Variants in ANO6 observed in about 807,000 individuals in gnomAD.
ANO6 encodes the protein anoctamin 6, also known as anoctamin-6.
In ANO6, 106 loss-of-function variants were observed where a neutral mutation model predicts 117.5. The observed-to-expected ratio is 0.90, with a 90% CI of 0.77 to 1.06. ANO6 has a LOEUF of 1.06. Ranked by LOEUF, ANO6 falls within the 50% of genes least tolerant of loss-of-function variation. The pLI is 0.00. For synonymous variants in ANO6, 367 were observed against 385.1 expected (o/e 0.95, Z 0.55); for missense variants, 955 against 1,121.1 (o/e 0.85, Z 2.12).
At chr12:45,317,513 G>A (rs1219310304) in intron 2 of ANO6, among the ~76,000 whole-genome samples, 3 of 151,704 alleles carry the variant, frequency 2.0e-5, no homozygotes, top group Admixed American at 6.6e-5. Context: ...TCTTAATCCA[G>A]TCTATCATTG....
chr12:45,284,999 C>T (rs1019538256), intron 1 of ANO6, among the ~76,000 whole-genome samples: 1 of 152,176 alleles, frequency 6.6e-6, no homozygotes, highest in African/African-American at 2.4e-5. Flanking sequence ...TTTTAAGTAG[C>T]TTGAATCTCT....
rs545467496 is a variant in ANO6, at chr12:45,364,332, C to T, written c.999-3356C>T. 4.6e-5 allele frequency among the ~76,000 whole-genome samples: 7 copies of T among 152,264 alleles called. No individual in the cohort carries two copies. In the South Asian group the frequency reaches 1.5e-3, roughly 32 times the overall value. On this transcript the variant is annotated intron_variant, in intron 8 of 19. Coordinates refer to ENST00000320560, the MANE Select transcript of ANO6 (RefSeq NM_001025356.3). The stretch of plus-strand genomic sequence containing the variant: ...GAATTTGTTGAGTTTCCTGGATATG[C>T]AAAATAGTGCTTTCATTAAATGTAG...
At chr12:45,433,657 A>G (rs1467673218), downstream of ANO6, among the ~76,000 whole-genome samples, 8 of 151,952 alleles carry the variant, frequency 5.3e-5, no homozygotes, top group Non-Finnish European at 1.2e-4. Context: ...CTTCTCTCCT[A>G]AGCTCTCTCT....
At chr12:45,302,814 A>T (rs1367755559) in intron 2 of ANO6, among the ~76,000 whole-genome samples, 1 of 152,198 alleles carries the variant, frequency 6.6e-6, no homozygotes, top group Non-Finnish European at 1.5e-5. Context: ...CATGTACCAT[A>T]TTATTGCACC....
At chr12:45,219,230 T>C (rs1314634844) in intron 1 of ANO6, among the ~76,000 whole-genome samples, 1 of 152,234 alleles carries the variant, frequency 6.6e-6, no homozygotes, top group Non-Finnish European at 1.5e-5. Flanking sequence ...GATTATATCA[T>C]AGAGATGCTT....
At chr12:45,419,099 G>T (rs902301380) in intron 17 of ANO6, among the ~76,000 whole-genome samples, 1 of 152,158 alleles carries the variant, frequency 6.6e-6, no homozygotes, top group Non-Finnish European at 1.5e-5. Flanking sequence ...AAAGCTGCTG[G>T]TTCAATAAAT....
intron 1 of ANO6, among the ~76,000 whole-genome samples, chr12:45,245,288 A>G (rs1447640981): frequency 1.3e-5 from 2 of 152,200 alleles, no homozygotes; most frequent in Non-Finnish European, 2.9e-5. Flanking sequence ...TTTTCTTCTA[A>G]AGTATTAAAT....
chr12:45,389,816 AG>A (rs1454637519), intron 11 of ANO6, among the ~76,000 whole-genome samples: 1 of 152,236 alleles, frequency 6.6e-6, no homozygotes, highest in Non-Finnish European at 1.5e-5. Context: ...GTTAATGTAT[AG>A]AAGCTACTTA....
intron 1 of ANO6, among the ~76,000 whole-genome samples, chr12:45,286,510 T>C (rs1019120030): frequency 2.0e-5 from 3 of 152,218 alleles, no homozygotes; most frequent in Admixed American, 6.5e-5. Context: ...TAGATAGAGC[T>C]AATGTGTTTT....
intron 2 of ANO6, among the ~76,000 whole-genome samples, chr12:45,317,524 T>A (rs1014318249): frequency 2.6e-5 from 4 of 151,792 alleles, no homozygotes; most frequent in Non-Finnish European, 5.9e-5. Context: ...TCTATCATTG[T>A]TGGACATTTG....
intron 12 of ANO6, among the ~76,000 whole-genome samples, chr12:45,401,010 AAG>A (rs1327634964): frequency 6.6e-6 from 1 of 152,232 alleles, no homozygotes; most frequent in Non-Finnish European, 1.5e-5. Flanking sequence ...CTTACTGAGA[AAG>A]TGAAAATCTC....
chr12:45,307,622 G>A lies in ANO6; in HGVS notation c.150+5529G>A, dbSNP rs2137322225. On this transcript the variant is annotated intron_variant, in intron 2 of 19. Coordinates refer to ENST00000320560, the MANE Select transcript of ANO6 (RefSeq NM_001025356.3). ...GGGGGGCCCAACCCCCGATGTGAGA[G>A]TTGTCAGCACACAGGTGATGTTTAA... Among the ~76,000 whole-genome samples, 2 of 152,232 alleles carry A rather than the reference G, an allele frequency of 1.3e-5. 1 individual carries two copies. The highest frequency in any genetic ancestry group is 4.1e-4 in the South Asian group (2 of 4,822).
At chr12:45,249,452 T>G (rs1193344984) in intron 1 of ANO6, among the ~76,000 whole-genome samples, 2 of 152,178 alleles carry the variant, frequency 1.3e-5, no homozygotes, top group Admixed American at 6.5e-5. Flanking sequence ...GTTTATAAAT[T>G]CAAAAAATCC....
At position 45,403,439 on chromosome 12, in the gene ANO6, T is replaced by G; in HGVS notation, c.1783T>G (p.Cys595Gly). 1 of 1,612,332 alleles carries G rather than the reference T, an allele frequency of 6.2e-7. No individual in the cohort carries two copies. Among genetic ancestry groups the G allele is most frequent in the Non-Finnish European group, 8.5e-7 (1 of 1,178,380 alleles). The change falls in exon 15 of 20, where the codon TGT becomes GGT. Residue 595 changes from cysteine to glycine, a missense_variant and splice_region_variant. Transcript: ENST00000320560. ...YWLGKYRNEECDPGGCLLELT... is the reference protein window; with the variant it reads ...YWLGKYRNEEGDPGGCLLELT... The stretch of plus-strand genomic sequence containing the variant: ...TGGTATTTTCTTTTTAACCTTCTAG[T>G]GTGACCCAGGTGGCTGTCTTCTTGA...
chr12:45,278,637 A>G (rs1027989154), intron 1 of ANO6, among the ~76,000 whole-genome samples: 2 of 151,836 alleles, frequency 1.3e-5, no homozygotes, highest in African/African-American at 2.4e-5. Context: ...ACTTTTCTCA[A>G]TCTCTGATGA....
intron 2 of ANO6, among the ~76,000 whole-genome samples, chr12:45,303,871 C>T (rs1214898889): frequency 6.6e-6 from 1 of 152,164 alleles, no homozygotes; most frequent in Non-Finnish European, 1.5e-5. Context: ...TTTTATTTTT[C>T]AGTCTCACGC....
intron 9 of ANO6, among the ~76,000 whole-genome samples, chr12:45,375,012 G>T (rs928963156): frequency 6.6e-6 from 1 of 151,340 alleles, no homozygotes; most frequent in African/African-American, 2.4e-5. Flanking sequence ...AAAGTCTCAG[G>T]ATACAAAATC....
intron 9 of ANO6, among the ~76,000 whole-genome samples, chr12:45,376,688 T>A (rs1207264824): frequency 6.3e-5 from 8 of 126,276 alleles, no homozygotes; most frequent in Non-Finnish European, 1.1e-4. Context: ...AACATCACAC[T>A]CTGGGGACTG....
At chr12:45,220,185 G>T (rs1398273331) in intron 1 of ANO6, among the ~76,000 whole-genome samples, 4 of 152,168 alleles carry the variant, frequency 2.6e-5, no homozygotes, top group Non-Finnish European at 5.9e-5. Flanking sequence ...TTCCAAAAAA[G>T]ACTATCAGGA....
Sources: gnomAD v4.1 joint callset for allele counts (sites outside exome capture counted in the v4.1 genomes callset) on GRCh38, gnomAD v4.1.1 for gene constraint, MANE v1.5 for transcripts, NCBI Gene and HGNC (gene_info 2026-07-23, HGNC 2026-07-21) for gene names.